MYO3A: variants seen among roughly 807,000 people sequenced by gnomAD.
MYO3A encodes myosin-IIIa.
In MYO3A, 180 loss-of-function variants were observed where a neutral mutation model predicts 192.7. The observed-to-expected ratio is 0.93, with a 90% CI of 0.83 to 1.06. The LOEUF (loss-of-function observed/expected upper bound fraction) is 1.06, where lower values mean the gene tolerates loss of function less well. MYO3A is among the 50% of genes least tolerant of loss of function. The probability of loss-of-function intolerance (pLI) is 0.00; values close to 1 mark genes in which losing one functional copy is unlikely to be tolerated. For synonymous variants in MYO3A, 628 were observed against 645.3 expected, an observed-to-expected ratio of 0.97 and a Z score of 0.41; for missense variants, 1,896 against 1,905.0, an observed-to-expected ratio of 1.00 and a Z score of 0.09.
At chr10:26,195,823 C>T (rs924279947) in intron 32 of MYO3A, among the ~76,000 whole-genome samples, 2 of 152,222 alleles carry the variant, frequency 1.3e-5, no homozygotes, top group African/African-American at 4.8e-5. Flanking sequence ...CCTATATCCT[C>T]CCGAAGAAGC....
At chr10:26,181,804 T>G (rs1349342734) in intron 31 of MYO3A, among the ~76,000 whole-genome samples, 1 of 150,726 alleles carries the variant, frequency 6.6e-6, no homozygotes, top group Non-Finnish European at 1.5e-5. Context: ...TGAATTAGTT[T>G]ATATCATTGA....
At chr10:26,075,649 ATG>A (rs1835496509) in intron 14 of MYO3A, among the ~76,000 whole-genome samples, 1 of 140,870 alleles carries the variant, frequency 7.1e-6, no homozygotes, top group Admixed American at 7.4e-5. Flanking sequence ...TATGATATAT[ATG>A]TCTCTCATAT....
At chr10:26,023,418 A>C (rs1047255951) in intron 8 of MYO3A, 1 of 152,658 alleles carries the variant, frequency 6.6e-6, no homozygotes, top group Non-Finnish European at 1.5e-5. Context: ...TATTCAACGA[A>C]TGTGCCAAAA....
In MYO3A at chr10:26,212,270, T is replaced by C. The variant is rs1844259794; in HGVS notation, c.*307T>C. 5 of 443,802 alleles carry C rather than the reference T, an allele frequency of 1.1e-5. No homozygotes were observed. Among genetic ancestry groups the C allele is most frequent in the African/African-American group, 2.0e-5 (1 of 50,638 alleles). 27.5% of individuals were successfully genotyped at this position (443,802 alleles called of 1,614,324 possible). ...TTCCCCTAATCTATCACTTTGTTCT[T>C]TTTTTTTGTGACTCCTGTGGACTCC... On this transcript the variant is annotated 3_prime_UTR_variant, in exon 35 of 35. Coordinates refer to ENST00000642920, the MANE Select transcript of MYO3A (RefSeq NM_017433.5).
At chr10:26,025,566 T>A (rs888911332) in intron 9 of MYO3A, among the ~76,000 whole-genome samples, 2 of 152,210 alleles carry the variant, frequency 1.3e-5, no homozygotes, top group African/African-American at 4.8e-5. Flanking sequence ...CTTGAAAAGT[T>A]CTTCCTTAGA....
chr10:26,042,717 G>A (rs1433557849), intron 10 of MYO3A, among the ~76,000 whole-genome samples: 1 of 152,080 alleles, frequency 6.6e-6, no homozygotes, highest in Non-Finnish European at 1.5e-5. Flanking sequence ...TCTTCTCTGT[G>A]TTATCTTGAA....
chr10:26,006,716 C>T (rs1454511768), intron 6 of MYO3A, among the ~76,000 whole-genome samples: 2 of 151,748 alleles, frequency 1.3e-5, no homozygotes, highest in South Asian at 4.2e-4. Flanking sequence ...CAATAACAGG[C>T]TCTGAAATTG....
chr10:26,090,922 C>A (rs1315268019), intron 15 of MYO3A, among the ~76,000 whole-genome samples: 3 of 152,234 alleles, frequency 2.0e-5, no homozygotes, highest in African/African-American at 7.2e-5. Flanking sequence ...CTGGTGCCAG[C>A]TGCAGCTGTG....
intron 15 of MYO3A, 113 bp downstream of exon 15, chr10:26,088,518 C>A: frequency 1.0e-6 from 1 of 979,684 alleles, no homozygotes; most frequent in Non-Finnish European, 1.6e-6. Flanking sequence ...TTACTATATG[C>A]AAAGCACTTA....
intron 34 of MYO3A, among the ~76,000 whole-genome samples, chr10:26,208,733 G>T (rs1457969364): frequency 6.6e-6 from 1 of 152,110 alleles, no homozygotes; most frequent in Non-Finnish European, 1.5e-5. Flanking sequence ...CTTGCCAAAG[G>T]TTTTTTTCTT....
chr10:26,110,475 G>A (rs961373672), intron 17 of MYO3A, among the ~76,000 whole-genome samples: 4 of 152,160 alleles, frequency 2.6e-5, no homozygotes, highest in Admixed American at 6.5e-5. Context: ...TGGCCAGTAT[G>A]TGAATCTCAT....
chr10:26,155,279 G>A (rs896337339), intron 25 of MYO3A, among the ~76,000 whole-genome samples: 45 of 152,198 alleles, frequency 3.0e-4, no homozygotes, highest in Non-Finnish European at 1.2e-4. Flanking sequence ...GGAATGGTGC[G>A]AGGAGAAGAG....
chr10:26,076,684 T>C (rs1272906821), intron 14 of MYO3A, among the ~76,000 whole-genome samples: 1 of 152,100 alleles, frequency 6.6e-6, no homozygotes, highest in Admixed American at 6.5e-5. Flanking sequence ...AGGTGAGAGA[T>C]GAGGATCCAG....
chr10:26,150,568 A>T (rs1589040814), intron 23 of MYO3A, among the ~76,000 whole-genome samples: 1 of 152,244 alleles, frequency 6.6e-6, no homozygotes, highest in East Asian at 1.9e-4. Flanking sequence ...TTTTTTAAGA[A>T]ATTTATTTCA....
chr10:26,127,747 G>C (rs1839299541), intron 19 of MYO3A, among the ~76,000 whole-genome samples: 1 of 126,040 alleles, frequency 7.9e-6, no homozygotes, highest in Admixed American at 8.0e-5. Context: ...TAAACCTTTT[G>C]ACCAATAGTA....
At chr10:25,970,069 A>G (rs1838524974) in intron 4 of MYO3A, among the ~76,000 whole-genome samples, 1 of 152,144 alleles carries the variant, frequency 6.6e-6, no homozygotes, top group South Asian at 2.1e-4. Context: ...GTCAAAAACT[A>G]AGAGAAATGA....
At chr10:26,045,197 C>T (rs1281910739) in intron 10 of MYO3A, among the ~76,000 whole-genome samples, 1 of 152,192 alleles carries the variant, frequency 6.6e-6, no homozygotes, top group Non-Finnish European at 1.5e-5. Context: ...GACTGAGTAC[C>T]AGTGGTGTCT....
At chr10:26,157,585 A>G in intron 26 of MYO3A, 70 bp downstream of exon 26, 3 of 1,516,738 alleles carry the variant, frequency 2.0e-6, no homozygotes, top group Non-Finnish European at 1.8e-6. Context: ...ATTATAAGAA[A>G]CATAATATGA....
intron 28 of MYO3A, 126 bp from the exon 29 acceptor site, chr10:26,170,290 C>A: frequency 1.9e-6 from 2 of 1,035,684 alleles, no homozygotes; most frequent in Non-Finnish European, 2.8e-6. Flanking sequence ...TGAACCTGTT[C>A]TATTTGGCAT....
Sources: gnomAD v4.1 joint callset for allele counts (sites outside exome capture counted in the v4.1 genomes callset) on GRCh38, gnomAD v4.1.1 for gene constraint, MANE v1.5 for transcripts, NCBI Gene and HGNC (gene_info 2026-07-23, HGNC 2026-07-21) for gene names.